MAML2: variants seen among roughly 807,000 people sequenced by gnomAD.
MAML2 encodes the protein mastermind-like protein 2.
A neutral mutation model predicts 96.1 loss-of-function variants in MAML2; 22 were observed. The observed-to-expected ratio is 0.23, with a 90% confidence interval of 0.16 to 0.33. MAML2 has a LOEUF of 0.33. Ranked by LOEUF, MAML2 falls within the 10% of genes least tolerant of loss-of-function variation. MAML2 has a pLI of 1.00. For missense variants in MAML2, 1,367 were observed against 1,392.4 expected (o/e 0.98, Z 0.29); for synonymous variants, 561 against 521.3 (o/e 1.08, Z -1.04).
intron 1 of MAML2, among the ~76,000 whole-genome samples, chr11:96,269,599 C>T (rs967586031): frequency 6.9e-6 from 1 of 144,554 alleles, no homozygotes; most frequent in Non-Finnish European, 1.5e-5. Context: ...GCAACCTCTG[C>T]CTCCTGGGTT....
At chr11:96,302,808 A>G (rs896948022) in intron 1 of MAML2, among the ~76,000 whole-genome samples, 3 of 152,202 alleles carry the variant, frequency 2.0e-5, no homozygotes, top group Non-Finnish European at 4.4e-5. Context: ...ATCTTAGCAC[A>G]TCTATTGTAA....
intron 1 of MAML2, among the ~76,000 whole-genome samples, chr11:96,340,400 C>T (rs1224973122): frequency 6.6e-6 from 1 of 152,198 alleles, no homozygotes; most frequent in African/African-American, 2.4e-5. Context: ...GGGCAGGGTT[C>T]TACCTTCCAC....
chr11:96,239,812 C>T (rs922051199), intron 1 of MAML2, among the ~76,000 whole-genome samples: 4 of 152,172 alleles, frequency 2.6e-5, no homozygotes, highest in Non-Finnish European at 1.5e-5. Context: ...AGTTCTCAAA[C>T]ATTTGTTAGT....
chr11:96,030,089 C>T (rs934315761), intron 2 of MAML2, among the ~76,000 whole-genome samples: 1 of 151,906 alleles, frequency 6.6e-6, no homozygotes, highest in South Asian at 2.1e-4. Flanking sequence ...AAAAATTAGC[C>T]GGGCGTGGTA....
intron 2 of MAML2, among the ~76,000 whole-genome samples, chr11:96,045,446 G>A (rs371336626): frequency 2.0e-5 from 3 of 152,108 alleles, no homozygotes; most frequent in African/African-American, 7.2e-5. Context: ...ACAGATTTGG[G>A]AATGTCTGAG....
chr11:96,234,674 T>G (rs1862343171), intron 1 of MAML2, among the ~76,000 whole-genome samples: 1 of 152,172 alleles, frequency 6.6e-6, no homozygotes, highest in African/African-American at 2.4e-5. Flanking sequence ...AGCACACATA[T>G]GCATGCACAT....
chr11:95,999,959 C>T (rs576006470), intron 2 of MAML2, among the ~76,000 whole-genome samples: 9 of 152,282 alleles, frequency 5.9e-5, no homozygotes, highest in South Asian at 2.1e-4. Context: ...CTGTTCCTCT[C>T]GGCTATTCAT....
At chr11:96,219,545 A>G (rs1483140951) in intron 1 of MAML2, among the ~76,000 whole-genome samples, 1 of 152,230 alleles carries the variant, frequency 6.6e-6, no homozygotes, top group Non-Finnish European at 1.5e-5. Context: ...CCTAGGAGTC[A>G]GACCAATTTT....
chr11:96,254,599 CAAAA>C (rs35212185), intron 1 of MAML2, among the ~76,000 whole-genome samples: 1 of 145,670 alleles, frequency 6.9e-6, no homozygotes, highest in Non-Finnish European at 1.5e-5. Flanking sequence ...CAAAACAAAA[CAAAA>C]AAAAAACTCT....
At chr11:96,244,527 A>G (rs1344428907) in intron 1 of MAML2, among the ~76,000 whole-genome samples, 1 of 152,246 alleles carries the variant, frequency 6.6e-6, no homozygotes, top group Non-Finnish European at 1.5e-5. Flanking sequence ...AAAATGGTTT[A>G]TATGGTTATA....
chr11:96,081,410 T>C (rs118021876), intron 2 of MAML2, among the ~76,000 whole-genome samples: 6 of 152,290 alleles, frequency 3.9e-5, no homozygotes, highest in Non-Finnish European at 8.8e-5. Flanking sequence ...CAGTGGAAGA[T>C]GTCCATCAAG....
At chr11:96,085,783 G>A (rs952092457) in intron 2 of MAML2, among the ~76,000 whole-genome samples, 8 of 150,468 alleles carry the variant, frequency 5.3e-5, no homozygotes, top group East Asian at 3.9e-4. Context: ...GAGTTGAACC[G>A]TATGTATTAT....
At chr11:96,257,242 G>T (rs1463370708) in intron 1 of MAML2, among the ~76,000 whole-genome samples, 1 of 152,192 alleles carries the variant, frequency 6.6e-6, no homozygotes. Flanking sequence ...TAACTGGTTT[G>T]CATCATCTTT....
rs186980378 is a variant in MAML2 at position 96,002,751 on chromosome 11, A to G, written c.2140-11028T>C. On this transcript the variant is annotated intron_variant, in intron 2 of 4. Transcript: ENST00000524717. ...GATGATAAGAAAGATGATCGGGATG[A>G]TGAGGAGGATGATGAGGATGATGAG... Among the ~76,000 whole-genome samples the G allele has an allele frequency of 1.5e-4, 21 of 144,310 alleles. No homozygotes were observed. In the South Asian group the frequency reaches 2.3e-3, roughly 16 times the overall value. 94.7% of individuals were successfully genotyped at this position (144,310 alleles called of 152,430 possible).
chr11:96,075,034 A>C (rs953771959), intron 2 of MAML2, among the ~76,000 whole-genome samples: 10 of 152,224 alleles, frequency 6.6e-5, no homozygotes, highest in African/African-American at 2.4e-4. Context: ...CGTGACTCTT[A>C]ATTTCACTCT....
At chr11:96,302,767 T>G (rs893703248) in intron 1 of MAML2, among the ~76,000 whole-genome samples, 2 of 152,212 alleles carry the variant, frequency 1.3e-5, no homozygotes, top group African/African-American at 4.8e-5. Context: ...GCCTGGTGCT[T>G]GCAACCAAAG....
At chr11:96,121,472 C>T (rs1173697610) in intron 1 of MAML2, among the ~76,000 whole-genome samples, 1 of 152,164 alleles carries the variant, frequency 6.6e-6, no homozygotes, top group East Asian at 1.9e-4. Context: ...ATTTAACAGA[C>T]ATGTACTTTG....
chr11:96,283,099 A>G (rs1479328778), intron 1 of MAML2, among the ~76,000 whole-genome samples: 2 of 152,248 alleles, frequency 1.3e-5, no homozygotes, highest in African/African-American at 2.4e-5. Context: ...CGTGTAATCC[A>G]CAAACTTTAA....
At chr11:95,984,868 A>G (rs1284923691) in intron 4 of MAML2, among the ~76,000 whole-genome samples, 1 of 152,182 alleles carries the variant, frequency 6.6e-6, no homozygotes, top group Admixed American at 6.5e-5. Context: ...AGCGTATTGA[A>G]TAGTTGCTGA....
Sources: gnomAD v4.1 joint callset for allele counts (sites outside exome capture counted in the v4.1 genomes callset) on GRCh38, gnomAD v4.1.1 for gene constraint, MANE v1.5 for transcripts, NCBI Gene and HGNC (gene_info 2026-07-23, HGNC 2026-07-21) for gene names.